MED27: variants seen among roughly 807,000 people sequenced by gnomAD.
The protein encoded by MED27 is mediator complex subunit 27, also known as mediator of RNA polymerase II transcription subunit 27.
A neutral mutation model predicts 38.2 loss-of-function variants in MED27; 30 were observed. The observed-to-expected ratio is 0.79, with a 90% CI of 0.59 to 1.07. MED27 has a LOEUF of 1.07. MED27 is among the 50% of genes least tolerant of loss of function. MED27 has a pLI of 0.00. For synonymous variants in MED27, 122 were observed against 153.5 expected (o/e 0.79, Z 1.52); for missense variants, 289 against 397.5 (o/e 0.73, Z 2.32).
At chr9:131,972,450 T>C (rs972469287) in intron 3 of MED27, among the ~76,000 whole-genome samples, 16 of 152,210 alleles carry the variant, frequency 1.1e-4, no homozygotes, top group Non-Finnish European at 1.8e-4. Context: ...AGACAGCAAA[T>C]GTAACCTCCA....
At chr9:131,978,007 G>A (rs866926558) in intron 3 of MED27, among the ~76,000 whole-genome samples, 19 of 152,302 alleles carry the variant, frequency 1.2e-4, no homozygotes, top group Middle Eastern at 3.4e-3. Flanking sequence ...GGCAGCTAAC[G>A]TCATCAAAAA....
chr9:131,899,862 A>G (rs1216001869), intron 4 of MED27, among the ~76,000 whole-genome samples: 1 of 152,206 alleles, frequency 6.6e-6, no homozygotes, highest in African/African-American at 2.4e-5. Context: ...TAGACTGATA[A>G]AGAGATGCAG....
chr9:132,038,435 G>A (rs866469514), intron 2 of MED27, among the ~76,000 whole-genome samples: 5 of 151,116 alleles, frequency 3.3e-5, no homozygotes, highest in Non-Finnish European at 7.4e-5. Flanking sequence ...CTCGTGATCC[G>A]CCCGCCTCGG....
intron 3 of MED27, among the ~76,000 whole-genome samples, chr9:131,941,617 A>G (rs1343605137): frequency 6.6e-6 from 1 of 152,044 alleles, no homozygotes; most frequent in Non-Finnish European, 1.5e-5. Context: ...GGTGCACTGA[A>G]GGGTATTTGC....
At chr9:131,868,858 G>A in intron 6 of MED27, 3 of 985,498 alleles carry the variant, frequency 3.0e-6, no homozygotes, top group Non-Finnish European at 3.6e-6. Flanking sequence ...TCACAAATGT[G>A]CCTGCTGTAG....
chr9:132,052,580 A>T (rs543859772), intron 2 of MED27, among the ~76,000 whole-genome samples: 171 of 1,020 alleles, frequency 0.17, no homozygotes, highest in Middle Eastern at 0.5. Flanking sequence ...CTCTCTTTTA[A>T]AAAAAAAATA....
intron 4 of MED27, among the ~76,000 whole-genome samples, chr9:131,927,266 T>A (rs892209686): frequency 1.3e-5 from 2 of 152,094 alleles, no homozygotes; most frequent in African/African-American, 2.4e-5. Flanking sequence ...AGGCTGCAAG[T>A]TTAGATTTGA....
At chr9:132,014,910 A>G (rs2131077510) in intron 2 of MED27, among the ~76,000 whole-genome samples, 1 of 152,342 alleles carries the variant, frequency 6.6e-6, no homozygotes, top group South Asian at 2.1e-4. Flanking sequence ...TTTGACTACT[A>G]TTCATATGCT....
At chr9:131,927,477 G>A (rs772987649) in intron 4 of MED27, among the ~76,000 whole-genome samples, 2 of 152,208 alleles carry the variant, frequency 1.3e-5, no homozygotes, top group Non-Finnish European at 2.9e-5. Flanking sequence ...AGTCAAAGAT[G>A]CTTTTATTTC....
At chr9:132,047,062 G>GTA (rs529311835) in intron 2 of MED27, among the ~76,000 whole-genome samples, 54 of 152,190 alleles carry the variant, frequency 3.5e-4, no homozygotes, top group Non-Finnish European at 2.5e-4. Context: ...TGGTGTGTGT[G>GTA]TATATATATA....
intron 6 of MED27, among the ~76,000 whole-genome samples, chr9:131,864,481 C>T (rs1295686018): frequency 6.6e-6 from 1 of 152,096 alleles, no homozygotes; most frequent in Non-Finnish European, 1.5e-5. Flanking sequence ...CTGTCTCAAA[C>T]AAAACAAAAT....
chr9:131,998,112 T>A (rs1832134394), intron 3 of MED27, among the ~76,000 whole-genome samples: 1 of 151,886 alleles, frequency 6.6e-6, no homozygotes, highest in Non-Finnish European at 1.5e-5. Context: ...AACCATCCCC[T>A]CCATTTGCAA....
chr9:132,038,681 G>A (rs969099482), intron 2 of MED27, among the ~76,000 whole-genome samples: 1 of 152,240 alleles, frequency 6.6e-6, no homozygotes, highest in Non-Finnish European at 1.5e-5. Flanking sequence ...GATGACACCT[G>A]CAATGTGATC....
intron 3 of MED27, among the ~76,000 whole-genome samples, chr9:132,000,743 T>TA (rs1249176561): frequency 6.6e-6 from 1 of 150,496 alleles, no homozygotes; most frequent in South Asian, 2.1e-4. Flanking sequence ...AGTCAGATTT[T>TA]AAAAAAAAAT....
intron 2 of MED27, among the ~76,000 whole-genome samples, chr9:132,039,096 T>C (rs1223908791): frequency 6.6e-6 from 1 of 152,232 alleles, no homozygotes; most frequent in African/African-American, 2.4e-5. Flanking sequence ...TTGCAAGGAA[T>C]TCCATAAACC....
chr9:132,038,990 G>A (rs188924840), intron 2 of MED27, among the ~76,000 whole-genome samples: 19 of 152,330 alleles, frequency 1.2e-4, no homozygotes, highest in African/African-American at 2.9e-4. Flanking sequence ...GCAGGGCTAC[G>A]ACAAGAACAT....
intron 5 of MED27, among the ~76,000 whole-genome samples, chr9:131,885,338 T>C (rs1839120199): frequency 6.6e-6 from 1 of 152,220 alleles, no homozygotes; most frequent in Non-Finnish European, 1.5e-5. Context: ...GCTCAAATCC[T>C]GGCTGAGCAT....
At chr9:131,884,651 A>G (rs1358702677) in intron 5 of MED27, among the ~76,000 whole-genome samples, 5 of 134,698 alleles carry the variant, frequency 3.7e-5, no homozygotes, top group African/African-American at 1.5e-4. Context: ...TCTGTCACCC[A>G]GGCTGGAGTG....
chr9:131,958,307 C>T (rs953701335), intron 3 of MED27, among the ~76,000 whole-genome samples: 5 of 150,918 alleles, frequency 3.3e-5, no homozygotes, highest in East Asian at 1.9e-4. Flanking sequence ...TGCAATGGCG[C>T]GATCTCAGCT....
Sources: gnomAD v4.1 joint callset for allele counts (sites outside exome capture counted in the v4.1 genomes callset) on GRCh38, gnomAD v4.1.1 for gene constraint, MANE v1.5 for transcripts, NCBI Gene and HGNC (gene_info 2026-07-23, HGNC 2026-07-21) for gene names.